Variants in PXK observed in about 807,000 individuals in gnomAD.
PXK encodes PX domain containing serine/threonine kinase like.
PXK carries 35 observed loss-of-function variants against 84.7 expected under a neutral mutation model. The ratio of observed to expected loss-of-function variants is 0.41; its 90% CI spans 0.32 to 0.55. The LOEUF is 0.55. Among genes scored for constraint, PXK ranks in the 20% least tolerant of loss-of-function variants. The probability of loss-of-function intolerance (pLI) is 0.21; values close to 1 mark genes in which losing one functional copy is unlikely to be tolerated. For synonymous variants in PXK, 253 were observed against 260.8 expected, an observed-to-expected ratio of 0.97 and a Z score of 0.29; for missense variants, 634 against 699.7, an observed-to-expected ratio of 0.91 and a Z score of 1.06.
chr3:58,410,108 C>T lies in PXK; in HGVS notation c.1414C>T (p.Leu472Phe). 1 of 1,599,700 alleles carries T rather than the reference C, an allele frequency of 6.3e-7. No homozygotes were observed. Among genetic ancestry groups the T allele is most frequent in the Non-Finnish European group, 8.6e-7 (1 of 1,166,908 alleles). The change falls in exon 16 of 18, where the codon CTT (leucine) becomes TTT (phenylalanine). Residue 472 changes from leucine to phenylalanine, a missense_variant. Physicochemically the swap from Leu to Phe is conservative, Grantham distance 22 (BLOSUM62 0). This residue lies in a region of PXK where 273 missense variants were observed against 283.6 expected (regional missense o/e 0.96). Transcript: ENST00000356151. ...CTTAAAGAAGTCAAAACGATCTGCTCTTGAAAATAGTGAAGAGCATTCAGC... is the reference window on the plus strand; with the variant it reads ...CTTAAAGAAGTCAAAACGATCTGCTTTTGAAAATAGTGAAGAGCATTCAGC... ...LARKKSKRSALENSEEHSAKY... is the reference protein window; with the variant it reads ...LARKKSKRSAFENSEEHSAKY...
intron 1 of PXK, among the ~76,000 whole-genome samples, chr3:58,337,488 T>C (rs755259281): frequency 1.3e-5 from 2 of 152,106 alleles, no homozygotes; most frequent in Non-Finnish European, 2.9e-5. Context: ...CTTTTTTTTT[T>C]CATTGTGAGA....
intron 13 of PXK, among the ~76,000 whole-genome samples, chr3:58,404,914 A>G (rs1415459117): frequency 1.3e-5 from 2 of 150,196 alleles, no homozygotes; most frequent in African/African-American, 4.8e-5. Flanking sequence ...GCTTCTTTGG[A>G]TCTGAAGTAG....
At chr3:58,372,384 G>A (rs768304815) in intron 3 of PXK, among the ~76,000 whole-genome samples, 4 of 151,968 alleles carry the variant, frequency 2.6e-5, no homozygotes, top group South Asian at 2.1e-4. Flanking sequence ...GTGCAGTGGC[G>A]CGATCTTGGC....
chr3:58,378,507 TTTTTTTGTGTG>T (rs1328811674), intron 3 of PXK, among the ~76,000 whole-genome samples: 4 of 105,078 alleles, frequency 3.8e-5, no homozygotes, highest in Non-Finnish European at 7.5e-5. Context: ...TTTTTTTTTT[TTTTTTTGTGTG>T]TGTGTGTGTG....
chr3:58,372,768 A>G (rs2098394885), intron 3 of PXK, among the ~76,000 whole-genome samples: 1 of 151,912 alleles, frequency 6.6e-6, no homozygotes, highest in Non-Finnish European at 1.5e-5. Flanking sequence ...CTGAGATTAC[A>G]GGCACGTGCC....
intron 1 of PXK, among the ~76,000 whole-genome samples, chr3:58,352,284 C>T (rs1013944893): frequency 1.3e-5 from 2 of 152,160 alleles, no homozygotes; most frequent in African/African-American, 2.4e-5. Context: ...CAGGAGGGAG[C>T]GCTTCAGTCT....
intron 3 of PXK, among the ~76,000 whole-genome samples, chr3:58,378,553 T>TGTGTGTGA (rs1471620101): frequency 7.6e-6 from 1 of 131,390 alleles, no homozygotes; most frequent in Non-Finnish European, 1.6e-5. Flanking sequence ...TGTGTGTGTG[T>TGTGTGTGA]GACGAAGTTT....
rs2098611522 is a variant in PXK at position 58,390,197 on chromosome 3, T to G, written c.389-385T>G. On this transcript the variant is annotated intron_variant, in intron 4 of 17. Transcript: ENST00000356151. The surrounding 1 kb of genome is among the most constrained non-coding windows in gnomAD (Gnocchi z 4.2). ...TATCTCAAAAAACAAAAAACAAAACTAAACAAAAGAAGTTGCAATGATAGT... is the reference window on the plus strand; with the variant it reads ...TATCTCAAAAAACAAAAAACAAAACGAAACAAAAGAAGTTGCAATGATAGT... 6.6e-6 allele frequency among the ~76,000 whole-genome samples: 1 copy of G among 151,696 alleles called. No homozygotes were observed. Among genetic ancestry groups the G allele is most frequent in the Non-Finnish European group, 1.5e-5 (1 of 67,918 alleles).
rs921170483 is a variant in PXK, at chr3:58,364,329, TTAG to T, written c.103-1541_103-1539del. 3.3e-5 allele frequency among the ~76,000 whole-genome samples: 5 copies of T among 152,144 alleles called. No individual in the cohort carries two copies. The highest frequency in any genetic ancestry group is 5.9e-5 in the Non-Finnish European group (4 of 68,030). On this transcript the variant is annotated intron_variant, in intron 1 of 17. Transcript: ENST00000356151. This position sits in a 1 kb window ranked among gnomAD's most constrained non-coding sequence, Gnocchi z 4.3. Reference sequence around the variant, plus strand: ...TTGGTGTTGATTCTTCTTAAGACACTTAGTAGAATTCTCCAGTGAAACCATTGG... The same window carrying T: ...TTGGTGTTGATTCTTCTTAAGACACTTAGAATTCTCCAGTGAAACCATTGG...
At chr3:58,394,164 C>G (rs768254648) in intron 7 of PXK, among the ~76,000 whole-genome samples, 16 of 152,296 alleles carry the variant, frequency 1.1e-4, no homozygotes, top group Non-Finnish European at 1.9e-4. Flanking sequence ...TTTCCACCCC[C>G]CAACCTGCTG....
chr3:58,421,858 C>A lies in PXK; in HGVS notation c.1529-2894C>A. The A allele has an allele frequency of 6.1e-6, 6 of 985,392 alleles. No homozygotes were observed. The highest frequency in any genetic ancestry group is 7.2e-6 in the Non-Finnish European group (6 of 829,922). The allele number at this position is 985,392 out of a possible 1,614,324, so 61.0% of individuals were successfully genotyped here. A position where few individuals can be genotyped will look rare whatever the true frequency, so the allele number is the denominator to read the frequency against. ...TGACCTGGTCGTAACTGAAGGTAAG[C>A]TGTTTGCAGCATCCCCCTTCCTGGG... is the stretch of plus-strand genomic sequence containing the variant. On this transcript the variant is annotated intron_variant, in intron 17 of 17. Coordinates refer to ENST00000356151, the MANE Select transcript of PXK (RefSeq NM_017771.5). The surrounding 1 kb of genome is among the most constrained non-coding windows in gnomAD (Gnocchi z 5.5).
In PXK at chr3:58,397,243, G is replaced by T. The variant is rs748126676; in HGVS notation, c.984+43G>T. 1 of 1,589,072 alleles carries T rather than the reference G, an allele frequency of 6.3e-7. No individual in the cohort carries two copies. The highest frequency in any genetic ancestry group is 1.3e-5 in the African/African-American group (1 of 74,552). ...TGAAATAGCAGGTTCATTTTTAGGT[G>T]TCAGTTATCCCCATGATCTGCCCAT... On this transcript the variant is annotated intron_variant, in intron 10 of 17. Transcript: ENST00000356151. The surrounding 1 kb of genome is among the most constrained non-coding windows in gnomAD (Gnocchi z 4.7).
In PXK at chr3:58,332,984, C is replaced by T; in HGVS notation, c.-5C>T. The stretch of plus-strand genomic sequence containing the variant: ...CCCTAGGCGGCGGCGGCCGGGCGTC[C>T]CGGGATGGCCTTCATGGAGAAGCCG... On this transcript the variant is annotated 5_prime_UTR_variant, in exon 1 of 18. Transcript: ENST00000356151. This position sits in a 1 kb window ranked among gnomAD's most constrained non-coding sequence, Gnocchi z 5.6. The T allele has an allele frequency of 1.5e-6, 2 of 1,361,050 alleles. No homozygotes were observed. The highest frequency in any genetic ancestry group is 5.3e-5 in the Admixed American group (2 of 37,826). The allele number at this position is 1,361,050 out of a possible 1,614,324, so 84.3% of individuals were successfully genotyped here.
chr3:58,403,936 G>C (rs772676310), intron 13 of PXK, 26 bp downstream of exon 13: 1 of 1,443,408 alleles, frequency 6.9e-7, no homozygotes, highest in South Asian at 1.6e-5. Context: ...TCGTTTTTTG[G>C]TTTGTGACAT....
intron 13 of PXK, among the ~76,000 whole-genome samples, chr3:58,406,822 T>G (rs538953356): frequency 6.6e-6 from 1 of 152,376 alleles, no homozygotes; most frequent in Admixed American, 6.5e-5. Context: ...TTTGTCCTTT[T>G]GTGGATCATT....
At chr3:58,353,616 C>T (rs2097992590) in intron 1 of PXK, among the ~76,000 whole-genome samples, 1 of 152,146 alleles carries the variant, frequency 6.6e-6, no homozygotes, top group South Asian at 2.1e-4. Context: ...AGGCAGGTGG[C>T]CAGTGAGCTA....
chr3:58,408,993 C>T lies in PXK; in HGVS notation c.1300C>T (p.Gln434Ter). ...TATAGAGAAGAGACTAATTGAGGAA[C>T]AGAAACAGGTAAATTGATAACGGTT... ...ECIEKRLIEE[Q>*]KQIHQHRRLT... Residue 434 changes from glutamine (Q) to a stop codon, truncating the protein, a stop_gained, in exon 14 of 18, where the codon CAG (glutamine) becomes TAG (stop). Transcript: ENST00000356151. LOFTEE classifies it high-confidence loss of function. The T allele has an allele frequency of 3.8e-6, 6 of 1,579,090 alleles. No individual in the cohort carries two copies. Among genetic ancestry groups the T allele is most frequent in the Non-Finnish European group, 3.5e-6 (4 of 1,148,828 alleles).
At chr3:58,336,411 T>A (rs1303610315) in intron 1 of PXK, among the ~76,000 whole-genome samples, 1 of 152,164 alleles carries the variant, frequency 6.6e-6, no homozygotes, top group Admixed American at 6.5e-5. Context: ...GCATCATTTT[T>A]ATGGAGCAAA....
intron 3 of PXK, among the ~76,000 whole-genome samples, chr3:58,380,511 T>C (rs1474176872): frequency 1.3e-5 from 2 of 151,718 alleles, no homozygotes; most frequent in Non-Finnish European, 2.9e-5. Flanking sequence ...CAAATATTTA[T>C]TTAAAATTCT....
Sources: allele counts gnomAD v4.1 joint callset (sites outside exome capture counted in the v4.1 genomes callset), GRCh38; gene constraint gnomAD v4.1.1; regional missense constraint gnomAD v4.1.1; non-coding constraint Gnocchi (gnomAD v3.1); transcripts MANE v1.5; gene names NCBI Gene and HGNC (gene_info 2026-07-23, HGNC 2026-07-21).